The following HIVEP1 variants were observed in gnomAD, a reference collection of about 807,000 sequenced individuals.
HIVEP1 encodes the protein HIVEP zinc finger 1.
Under a neutral mutation model 180.0 loss-of-function variants are expected in HIVEP1, and 36 were observed. That is an observed-to-expected ratio of 0.20 (90% CI 0.15 to 0.26). The LOEUF is 0.26. HIVEP1 is among the 10% of genes least tolerant of loss of function. The probability of loss-of-function intolerance (pLI) is 1.00; values close to 1 mark genes in which losing one functional copy is unlikely to be tolerated. For missense variants in HIVEP1, 3,143 were observed against 3,268.7 expected (o/e 0.96, Z 0.94); for synonymous variants, 1,239 against 1,239.0 (o/e 1.00, Z 0.00).
chr6:12,189,215 TAATA>T, the HIVEP1 span, among the ~76,000 whole-genome samples: 2 of 151,942 alleles, frequency 1.3e-5, no homozygotes, highest in Admixed American at 1.3e-4. Context: ...TTTAAATGTT[TAATA>T]AATCATGAAA....
intron 7 of HIVEP1, among the ~76,000 whole-genome samples, chr6:12,150,623 C>T (rs1296508447): frequency 6.6e-6 from 1 of 152,066 alleles, no homozygotes; most frequent in African/African-American, 2.4e-5. Flanking sequence ...GAAACACTTC[C>T]ATGTGTAGAA....
At chr6:12,041,849 C>T (rs570573374) in intron 2 of HIVEP1, among the ~76,000 whole-genome samples, 25 of 118,060 alleles carry the variant, frequency 2.1e-4, no homozygotes, top group Middle Eastern at 4.2e-3. Context: ...TTAGTAGAAA[C>T]GGGTTTTCAC....
At chr6:12,152,314 T>C (rs1184109715) in intron 7 of HIVEP1, among the ~76,000 whole-genome samples, 1 of 152,112 alleles carries the variant, frequency 6.6e-6, no homozygotes, top group Non-Finnish European at 1.5e-5. Context: ...CTCGTTCTTG[T>C]CCTCGCAGAC....
chr6:12,138,518 C>T (rs1758823598), intron 7 of HIVEP1, among the ~76,000 whole-genome samples: 1 of 152,176 alleles, frequency 6.6e-6, no homozygotes, highest in Non-Finnish European at 1.5e-5. Context: ...CTTCCACTAG[C>T]CCAGAGTGGT....
Position 12,121,364 on chromosome 6 carries a change from A to C in HIVEP1, c.1569A>C (p.Ser523=), listed in dbSNP as rs201586281. The C allele has an allele frequency of 1.9e-6, 3 of 1,614,172 alleles. No homozygotes were observed. The East Asian group carries it at 6.7e-5, about 36-fold the overall frequency. Residue 523 remains serine (S), a synonymous_variant, in exon 4 of 9, where the codon TCA becomes TCC. Coordinates refer to ENST00000379388, the MANE Select transcript of HIVEP1 (RefSeq NM_002114.4). This position sits in a 1 kb window ranked among gnomAD's most constrained non-coding sequence, Gnocchi z 5.3. ...LQPVHIIKRM[S]NAETLLKSSF... ...CTGTGCACATAATAAAGAGGATGTC[A>C]AATGCTGAAACTTTACTAAAATCAA...
intron 2 of HIVEP1, among the ~76,000 whole-genome samples, chr6:12,067,514 T>C (rs1203093922): frequency 6.6e-6 from 1 of 152,130 alleles, no homozygotes; most frequent in East Asian, 1.9e-4. Context: ...TTTTTTAAGG[T>C]ATATTTTTCT....
At chr6:12,112,171 A>G (rs1774939298) in intron 3 of HIVEP1, among the ~76,000 whole-genome samples, 1 of 152,144 alleles carries the variant, frequency 6.6e-6, no homozygotes, top group Admixed American at 6.5e-5. Context: ...ATTATTTCTC[A>G]ATATGAAATT....
chr6:12,180,943 G>C, the HIVEP1 span, among the ~76,000 whole-genome samples: 4 of 152,238 alleles, frequency 2.6e-5, no homozygotes, highest in Non-Finnish European at 4.4e-5. Context: ...ATATTGCAAT[G>C]ATGGCAGTTT....
At position 12,092,161 on chromosome 6, in the gene HIVEP1, C is replaced by T. The variant is rs536698004; in HGVS notation, c.94+2924C>T. On this transcript the variant is annotated intron_variant, in intron 3 of 8. Coordinates refer to ENST00000379388, the MANE Select transcript of HIVEP1 (RefSeq NM_002114.4). ...CCATTGTATCCACCCACATGCTGAT[C>T]GGCAATTCATCCCATTGTCTCTTCT... Among the ~76,000 whole-genome samples the T allele has an allele frequency of 2.0e-5, 3 of 152,234 alleles. No individual in the cohort carries two copies. The East Asian group carries it at 5.8e-4, about 29-fold the overall frequency.
intron 7 of HIVEP1, among the ~76,000 whole-genome samples, chr6:12,152,492 T>C (rs947453124): frequency 1.3e-5 from 2 of 152,202 alleles, no homozygotes; most frequent in Non-Finnish European, 2.9e-5. Context: ...CAGAGTTGTC[T>C]GTGCTTTGTT....
chr6:12,023,481 C>T (rs1407803203), intron 2 of HIVEP1, among the ~76,000 whole-genome samples: 1 of 151,878 alleles, frequency 6.6e-6, no homozygotes, highest in African/African-American at 2.4e-5. Flanking sequence ...ATTTCAAAAA[C>T]AAAAACAAAA....
chr6:12,020,817 C>A (rs1188487701), intron 2 of HIVEP1, among the ~76,000 whole-genome samples: 9 of 151,246 alleles, frequency 6.0e-5, no homozygotes, highest in African/African-American at 1.7e-4. Context: ...TGGTTGAGTT[C>A]ATTTGGCTCC....
chr6:12,167,393 T>C (rs983644555), downstream of HIVEP1, among the ~76,000 whole-genome samples: 1 of 151,626 alleles, frequency 6.6e-6, no homozygotes, highest in Non-Finnish European at 1.5e-5. Context: ...ATGATTTTCA[T>C]TAATTTTGTT....
chr6:12,043,902 T>G (rs1396852488), intron 2 of HIVEP1, among the ~76,000 whole-genome samples: 1 of 152,194 alleles, frequency 6.6e-6, no homozygotes, highest in Non-Finnish European at 1.5e-5. Context: ...ACTCCAGTCA[T>G]TATGATAAAA....
At position 12,119,951 on chromosome 6, in the gene HIVEP1, G is replaced by C; in HGVS notation, c.156G>C (p.Lys52Asn). The C allele has an allele frequency of 6.2e-7, 1 of 1,606,726 alleles. No individual in the cohort carries two copies. The highest frequency in any genetic ancestry group is 8.5e-7 in the Non-Finnish European group (1 of 1,178,110). The change falls in exon 4 of 9, where the codon AAG becomes AAC. Residue 52 changes from lysine to asparagine, a missense_variant. Coordinates refer to ENST00000379388, the MANE Select transcript of HIVEP1 (RefSeq NM_002114.4). ...CCCTTAAAGGTGTGAAACGCAAAAA[G>C]ATCGTAGCTGAGAATCACCTGAAAA... ...SESLKGVKRKKIVAENHLKKI... is the reference protein window; with the variant it reads ...SESLKGVKRKNIVAENHLKKI...
chr6:12,112,315 A>G (rs929353992), intron 3 of HIVEP1, among the ~76,000 whole-genome samples: 3 of 150,814 alleles, frequency 2.0e-5, no homozygotes, highest in Non-Finnish European at 4.4e-5. Context: ...TGCTTTCAGG[A>G]TTTTCTCTTT....
In HIVEP1 at chr6:12,163,355, G is replaced by A; in HGVS notation, c.7051G>A (p.Val2351Met). ...CCAGACAGCAGCGGGGATGCCTTCT[G>A]TGGCCTCACCACATCCTGACCCTCA... Reference protein sequence around the residue: ...SPQTAAGMPSVASPHPDPQEQ... With the variant: ...SPQTAAGMPSMASPHPDPQEQ... The change falls in exon 9 of 9, where the codon GTG becomes ATG. Residue 2351 changes from valine (V) to methionine (M), a missense_variant. By Grantham distance (21) the Val-to-Met change is conservative. Transcript: ENST00000379388. 6.2e-7 allele frequency: 1 copy of A among 1,614,160 alleles called. No individual in the cohort carries two copies. The highest frequency in any genetic ancestry group is 1.3e-5 in the African/African-American group (1 of 75,030).
chr6:12,159,940 T>C (rs549707577), intron 7 of HIVEP1, among the ~76,000 whole-genome samples: 1 of 152,360 alleles, frequency 6.6e-6, no homozygotes, highest in South Asian at 2.1e-4. Flanking sequence ...GGCTTTTCTC[T>C]AAACTCATTT....
intron 5 of HIVEP1, 137 bp downstream of exon 5, chr6:12,130,029 A>C: frequency 4.8e-6 from 3 of 623,824 alleles, no homozygotes; most frequent in Non-Finnish European, 5.7e-6. Context: ...CAGAATCTCC[A>C]TAGCAAAATA....
Sources: gnomAD v4.1 joint callset for allele counts (sites outside exome capture counted in the v4.1 genomes callset) on GRCh38, gnomAD v4.1.1 for gene constraint, Gnocchi (gnomAD v3.1) non-coding constraint, MANE v1.5 for transcripts, NCBI Gene and HGNC (gene_info 2026-07-23, HGNC 2026-07-21) for gene names.